THRB: variants seen among roughly 807,000 people sequenced by gnomAD.
THRB encodes nuclear receptor subfamily 1 group A member 2.
A neutral mutation model predicts 47.8 loss-of-function variants in THRB; 12 were observed. That is an observed-to-expected ratio of 0.25 (90% CI 0.16 to 0.41). The LOEUF (loss-of-function observed/expected upper bound fraction) is 0.41, where lower values mean the gene tolerates loss of function less well. THRB is among the 10% of genes least tolerant of loss of function. The pLI is 1.00. For synonymous variants in THRB, 218 were observed against 212.2 expected (o/e 1.03, Z -0.24); for missense variants, 348 against 589.2 (o/e 0.59, Z 4.24).
At chr3:24,419,955 C>T (rs528826875) in intron 1 of THRB, among the ~76,000 whole-genome samples, 1 of 151,902 alleles carries the variant, frequency 6.6e-6, no homozygotes, top group South Asian at 2.1e-4. Flanking sequence ...ACTGAAGGCC[C>T]TGAATCGAGG....
chr3:24,492,775 C>T (rs1249345201), intron 1 of THRB, among the ~76,000 whole-genome samples: 1 of 152,198 alleles, frequency 6.6e-6, no homozygotes, highest in Non-Finnish European at 1.5e-5. Flanking sequence ...AATATTCATT[C>T]CTCTACATAA....
chr3:24,254,130 G>A (rs1469243979), intron 3 of THRB, among the ~76,000 whole-genome samples: 2 of 140,152 alleles, frequency 1.4e-5, no homozygotes, highest in African/African-American at 2.6e-5. Flanking sequence ...TTGGGAGGCC[G>A]AGACAGGTGG....
At chr3:24,179,753 A>C (rs1395921090) in intron 5 of THRB, among the ~76,000 whole-genome samples, 6 of 152,232 alleles carry the variant, frequency 3.9e-5, no homozygotes, top group Non-Finnish European at 8.8e-5. Context: ...ATTCATTAAA[A>C]AAGGGGGTCA....
intron 3 of THRB, among the ~76,000 whole-genome samples, chr3:24,291,848 T>C (rs2055950125): frequency 6.6e-6 from 1 of 152,164 alleles, no homozygotes; most frequent in Non-Finnish European, 1.5e-5. Context: ...ACATGCCTTT[T>C]GACACTGTGA....
intron 5 of THRB, among the ~76,000 whole-genome samples, chr3:24,161,438 A>T (rs2038801467): frequency 6.6e-6 from 1 of 152,078 alleles, no homozygotes; most frequent in African/African-American, 2.4e-5. Flanking sequence ...TGGGAGAGAG[A>T]GGGAGAGAAA....
chr3:24,316,730 C>T (rs1262854433), intron 2 of THRB, among the ~76,000 whole-genome samples: 1 of 152,124 alleles, frequency 6.6e-6, no homozygotes, highest in Non-Finnish European at 1.5e-5. Context: ...GCTTCACATA[C>T]AAGACCCCCG....
At chr3:24,248,252 C>A (rs545720835) in intron 3 of THRB, among the ~76,000 whole-genome samples, 1 of 152,032 alleles carries the variant, frequency 6.6e-6, no homozygotes, top group African/African-American at 2.4e-5. Flanking sequence ...CCTAACCCCA[C>A]GCATTGAGCT....
In THRB at chr3:24,123,022, G is replaced by A; in HGVS notation, c.1248C>T (p.His416=). 1 of 1,614,230 alleles carries A rather than the reference G, an allele frequency of 6.2e-7. No individual in the cohort carries two copies. Among genetic ancestry groups the A allele is most frequent in the Non-Finnish European group, 8.5e-7 (1 of 1,180,048 alleles). The change falls in exon 11 of 11, where the codon CAC becomes CAT. Residue 416 remains histidine, a synonymous_variant. Coordinates refer to ENST00000646209, the MANE Select transcript of THRB (RefSeq NM_001354712.2). ...YINYRKHHVT[H]FWPKLLMKVT... ...CCTTCATCAGGAGTTTTGGCCAAAA[G>A]TGTGTCACGTGGTGTTTTCGGTAAT...
chr3:24,233,599 G>GAAAGAAAAATA (rs1559684596), intron 3 of THRB, among the ~76,000 whole-genome samples: 1 of 150,798 alleles, frequency 6.6e-6, no homozygotes, highest in Non-Finnish European at 1.5e-5. Context: ...AAGAAAGAAA[G>GAAAGAAAAATA]AAAGAAAGAA....
At chr3:24,480,359 A>G (rs1461016795) in intron 1 of THRB, among the ~76,000 whole-genome samples, 2 of 152,190 alleles carry the variant, frequency 1.3e-5, no homozygotes, top group African/African-American at 4.8e-5. Context: ...TTCCATCCCC[A>G]AAGTCCCAGG....
intron 1 of THRB, among the ~76,000 whole-genome samples, chr3:24,442,082 C>T (rs2071585357): frequency 6.6e-6 from 1 of 151,932 alleles, no homozygotes; most frequent in African/African-American, 2.4e-5. Context: ...TTCAGGGACT[C>T]CTGTGCTTCT....
rs527443919 is a variant in THRB, at chr3:24,262,645, C to G, written c.-42-33644G>C. 3.9e-5 allele frequency among the ~76,000 whole-genome samples: 6 copies of G among 152,298 alleles called. No individual in the cohort carries two copies. The South Asian group carries it at 1.2e-3, about 32-fold the overall frequency. On this transcript the variant is annotated intron_variant, in intron 3 of 10. Coordinates refer to ENST00000646209, the MANE Select transcript of THRB (RefSeq NM_001354712.2). ...CCCAGATACTGTCAGAGATCTTATA[C>G]CAACACCTTCTTTAAGTCTTTGCCC...
chr3:24,420,083 T>A (rs929825842), intron 1 of THRB, among the ~76,000 whole-genome samples: 2 of 151,996 alleles, frequency 1.3e-5, no homozygotes, highest in African/African-American at 4.8e-5. Flanking sequence ...GTGAAATTAG[T>A]TAATGGGTAT....
intron 5 of THRB, among the ~76,000 whole-genome samples, chr3:24,178,741 G>A (rs2041499195): frequency 6.6e-6 from 1 of 152,140 alleles, no homozygotes; most frequent in African/African-American, 2.4e-5. Context: ...GCAGACTAGA[G>A]TAGAATGGTG....
intron 1 of THRB, among the ~76,000 whole-genome samples, chr3:24,477,838 A>T (rs1032769897): frequency 6.6e-6 from 1 of 151,092 alleles, no homozygotes; most frequent in African/African-American, 2.4e-5. Context: ...CGCCCAAAAA[A>T]GTACAAGCAA....
intron 4 of THRB, among the ~76,000 whole-genome samples, chr3:24,209,436 T>C (rs1047704070): frequency 3.9e-5 from 6 of 152,172 alleles, no homozygotes; most frequent in Non-Finnish European, 7.3e-5. Context: ...CAAATGTCCA[T>C]CAATGATAGA....
intron 4 of THRB, among the ~76,000 whole-genome samples, chr3:24,214,936 C>T (rs958016115): frequency 6.6e-6 from 1 of 152,246 alleles, no homozygotes; most frequent in Non-Finnish European, 1.5e-5. Context: ...CCTTCATAGA[C>T]ATAAATATTA....
chr3:24,305,148 T>C (rs1559882392), intron 2 of THRB, among the ~76,000 whole-genome samples: 1 of 152,204 alleles, frequency 6.6e-6, no homozygotes, highest in East Asian at 1.9e-4. Context: ...TTATGAATTA[T>C]ATAGATCAGT....
intron 1 of THRB, among the ~76,000 whole-genome samples, chr3:24,380,565 T>C (rs1577207564): frequency 6.6e-6 from 1 of 152,184 alleles, no homozygotes; most frequent in Admixed American, 6.5e-5. Context: ...TACTGCCCTA[T>C]GAACACATAT....
Sources: allele counts gnomAD v4.1 joint callset (sites outside exome capture counted in the v4.1 genomes callset), GRCh38; gene constraint gnomAD v4.1.1; transcripts MANE v1.5; gene names NCBI Gene and HGNC (gene_info 2026-07-23, HGNC 2026-07-21).